The following PAG1 variants were observed in gnomAD, a reference collection of about 807,000 sequenced individuals.
PAG1 encodes the protein phosphoprotein membrane anchor with glycosphingolipid microdomains 1.
A neutral mutation model predicts 31.7 loss-of-function variants in PAG1; 23 were observed. That is an observed-to-expected ratio of 0.73 (90% CI 0.52 to 1.03). The LOEUF (loss-of-function observed/expected upper bound fraction) is 1.03. PAG1 is among the 50% of genes least tolerant of loss of function. The probability of loss-of-function intolerance (pLI) is 0.00; values close to 1 mark genes in which losing one functional copy is unlikely to be tolerated. For synonymous variants in PAG1, 214 were observed against 210.3 expected, an observed-to-expected ratio of 1.02 and a Z score of -0.15; for missense variants, 473 against 540.7, an observed-to-expected ratio of 0.87 and a Z score of 1.24.
Position 80,969,434 on chromosome 8 carries a change from T to C in PAG1, c.*7110A>G, listed in dbSNP as rs1172377822. On this transcript the variant is annotated 3_prime_UTR_variant, in exon 9 of 9. Transcript: ENST00000220597. ...TTCAGGGAAGCCTTCACTACCTAAATGAGGAGCTAAAGATTAAAAAAAAAA... is the reference window on the plus strand; with the variant it reads ...TTCAGGGAAGCCTTCACTACCTAAACGAGGAGCTAAAGATTAAAAAAAAAA... 6.6e-6 allele frequency: 1 copy of C among 151,916 alleles called. No individual in the cohort carries two copies. The highest frequency in any genetic ancestry group is 1.5e-5 in the Non-Finnish European group (1 of 67,998). The allele number at this position is 151,916 out of a possible 1,614,324, so 9.4% of individuals were successfully genotyped here. A position where few individuals can be genotyped will look rare whatever the true frequency, so the allele number is the denominator to read the frequency against.
intron 3 of PAG1, among the ~76,000 whole-genome samples, chr8:81,009,589 G>T (rs1586162577): frequency 6.6e-6 from 1 of 152,102 alleles, no homozygotes; most frequent in East Asian, 1.9e-4. Context: ...TATTAAATTA[G>T]ACCAGTGGTT....
chr8:81,028,678 T>C (rs1808325928), intron 3 of PAG1, among the ~76,000 whole-genome samples: 1 of 152,236 alleles, frequency 6.6e-6, no homozygotes, highest in African/African-American at 2.4e-5. Context: ...AAATAGATTT[T>C]TGCAAAATCT....
At chr8:81,054,851 T>C (rs1308571174) in intron 2 of PAG1, among the ~76,000 whole-genome samples, 2 of 152,040 alleles carry the variant, frequency 1.3e-5, no homozygotes, top group Admixed American at 6.6e-5. Context: ...GGCCCTATAC[T>C]CCTCACTCTC....
chr8:80,980,709 C>A (rs879362347), intron 7 of PAG1, among the ~76,000 whole-genome samples: 2 of 152,150 alleles, frequency 1.3e-5, no homozygotes, highest in African/African-American at 4.8e-5. Context: ...GAAATTTCCT[C>A]TAATTTTGTA....
chr8:81,021,517 CAT>C (rs1491499283), intron 3 of PAG1, among the ~76,000 whole-genome samples: 9 of 75,200 alleles, frequency 1.2e-4, no homozygotes, highest in Admixed American at 3.5e-4. Context: ...TGTGTGTGTG[CAT>C]GTGTGTGTGT....
At chr8:80,993,047 C>G in intron 4 of PAG1, 56 bp downstream of exon 4, 1 of 1,485,792 alleles carries the variant, frequency 6.7e-7, no homozygotes, top group South Asian at 1.4e-5. Context: ...AGAAACTCTT[C>G]TGGGTACAGG....
chr8:81,098,774 G>T (rs893846455), intron 1 of PAG1, among the ~76,000 whole-genome samples: 1 of 152,118 alleles, frequency 6.6e-6, no homozygotes, highest in African/African-American at 2.4e-5. Flanking sequence ...TTGGCATTTT[G>T]TCAAGTCTGA....
intron 3 of PAG1, among the ~76,000 whole-genome samples, chr8:81,029,364 T>TCACACA (rs71266099): frequency 4.8e-5 from 7 of 145,500 alleles, no homozygotes; most frequent in African/African-American, 1.3e-4. Flanking sequence ...TCTCTCTCTC[T>TCACACA]CACACACACA....
intron 1 of PAG1, among the ~76,000 whole-genome samples, chr8:81,100,551 G>A (rs1381298134): frequency 1.3e-5 from 2 of 152,194 alleles, no homozygotes; most frequent in African/African-American, 4.8e-5. Context: ...AACCAAAAAT[G>A]TCTTCAGACA....
At chr8:80,992,163 C>A (rs912331421) in intron 4 of PAG1, among the ~76,000 whole-genome samples, 2 of 152,170 alleles carry the variant, frequency 1.3e-5, no homozygotes, top group Admixed American at 6.5e-5. Flanking sequence ...GCCGTCCAGG[C>A]CCCGGGAAGC....
chr8:81,027,688 G>C (rs547424056), intron 3 of PAG1, among the ~76,000 whole-genome samples: 1 of 152,044 alleles, frequency 6.6e-6, no homozygotes, highest in Non-Finnish European at 1.5e-5. Flanking sequence ...GGCGGATCAC[G>C]AAGTCAGGAG....
chr8:81,001,874 C>T (rs1030125113), intron 3 of PAG1, among the ~76,000 whole-genome samples: 1 of 152,178 alleles, frequency 6.6e-6, no homozygotes, highest in Non-Finnish European at 1.5e-5. Flanking sequence ...AGGCGTCTGG[C>T]CTGTCTGGGA....
intron 3 of PAG1, among the ~76,000 whole-genome samples, chr8:80,996,353 C>T (rs1171355567): frequency 1.3e-5 from 2 of 152,216 alleles, no homozygotes; most frequent in Admixed American, 6.5e-5. Flanking sequence ...TTGATCCTTA[C>T]AGCAGACGTC....
intron 1 of PAG1, among the ~76,000 whole-genome samples, chr8:81,075,448 C>A (rs1436079044): frequency 4.6e-5 from 7 of 152,180 alleles, no homozygotes; most frequent in African/African-American, 1.7e-4. Flanking sequence ...TGTACAAACA[C>A]TTGCATGTGA....
chr8:80,982,291 A>C (rs1393576918), intron 7 of PAG1, among the ~76,000 whole-genome samples: 1 of 151,936 alleles, frequency 6.6e-6, no homozygotes, highest in Non-Finnish European at 1.5e-5. Flanking sequence ...TTCCACAGAG[A>C]CTGCTCTTGT....
At chr8:81,048,860 T>C (rs1808683255) in intron 2 of PAG1, among the ~76,000 whole-genome samples, 1 of 152,204 alleles carries the variant, frequency 6.6e-6, no homozygotes. Context: ...CGGCCCAGTG[T>C]TTCACTGCAA....
chr8:81,030,588 C>T (rs776468103), intron 2 of PAG1, among the ~76,000 whole-genome samples: 1 of 152,210 alleles, frequency 6.6e-6, no homozygotes, highest in African/African-American at 2.4e-5. Context: ...AACAGTGTCA[C>T]CTGGACGACA....
At chr8:81,031,144 A>C (rs1048965985) in intron 2 of PAG1, among the ~76,000 whole-genome samples, 9 of 152,346 alleles carry the variant, frequency 5.9e-5, no homozygotes, top group African/African-American at 2.2e-4. Flanking sequence ...AGTCAGCAGA[A>C]TATTTATATT....
intron 2 of PAG1, among the ~76,000 whole-genome samples, chr8:81,035,080 C>T (rs1300473872): frequency 6.6e-6 from 1 of 151,962 alleles, no homozygotes; most frequent in Non-Finnish European, 1.5e-5. Context: ...GCCCAGCTAT[C>T]GCAGGGAGGC....
Sources: gnomAD v4.1 joint callset for allele counts (sites outside exome capture counted in the v4.1 genomes callset) on GRCh38, gnomAD v4.1.1 for gene constraint, MANE v1.5 for transcripts, NCBI Gene and HGNC (gene_info 2026-07-23, HGNC 2026-07-21) for gene names.